The following FANCI variants were observed in gnomAD, a reference collection of about 807,000 sequenced individuals.
FANCI encodes Fanconi anemia group I protein.
Under a neutral mutation model 176.1 loss-of-function variants are expected in FANCI, and 156 were observed. The observed-to-expected ratio is 0.89, with a 90% CI of 0.78 to 1.01. FANCI has a LOEUF of 1.01. Ranked by LOEUF, FANCI falls within the 50% of genes least tolerant of loss-of-function variation. FANCI has a pLI of 0.00. For missense variants in FANCI, 1,678 were observed against 1,534.1 expected (o/e 1.09, Z -1.57); for synonymous variants, 613 against 541.7 (o/e 1.13, Z -1.83).
At chr15:89,314,750 C>T in intron 36 of FANCI, 43 bp downstream of exon 36, 1 of 1,412,644 alleles carries the variant, frequency 7.1e-7, no homozygotes, top group Non-Finnish European at 1.0e-6. Flanking sequence ...CATTTACCTT[C>T]TTGACAGATC....
chr15:89,260,667 C>T, intron 3 of FANCI, 46 bp from the exon 4 acceptor site: 1 of 1,608,692 alleles, frequency 6.2e-7, no homozygotes, highest in East Asian at 2.2e-5. Flanking sequence ...ATTTACCTGT[C>T]AATGTTGTAA....
At chr15:89,311,489 ACAGGGTTGAT>A (rs1015469582) in intron 34 of FANCI, among the ~76,000 whole-genome samples, 104 of 152,288 alleles carry the variant, frequency 6.8e-4, no homozygotes, top group African/African-American at 2.4e-3. Flanking sequence ...TGGGCAGGGA[ACAGGGTTGAT>A]CTAAGGAGTT....
intron 9 of FANCI, 157 bp downstream of exon 9, chr15:89,264,764 A>T (rs780453213): frequency 3.3e-5 from 20 of 608,270 alleles, no homozygotes; most frequent in Non-Finnish European, 5.9e-5. Context: ...AAAGAGAATA[A>T]CATGATCTCT....
chr15:89,250,164 T>A lies in FANCI; in HGVS notation c.84+2433T>A, dbSNP rs189944560. ...TTTCTCAGGGATCTAGAACTAGAAA[T>A]ACCATTTGACCCAGTGATCCCATTA... is the stretch of plus-strand genomic sequence containing the variant. On this transcript the variant is annotated intron_variant, in intron 2 of 37. Coordinates refer to ENST00000310775, the MANE Select transcript of FANCI (RefSeq NM_001113378.2). Among the ~76,000 whole-genome samples, 637 of 152,308 alleles carry A rather than the reference T, an allele frequency of 4.2e-3. 3 individuals carry two copies. Among genetic ancestry groups the A allele is most frequent in the African/African-American group, 0.015 (610 of 41,566 alleles).
chr15:89,316,829 T>G lies in FANCI; in HGVS notation c.*370T>G. ...TCTGGTAAATATCCAGCGCTTCACC[T>G]GAAAGATAGTGCAAATTGGTTAGGA... On this transcript the variant is annotated 3_prime_UTR_variant, in exon 38 of 38. Transcript: ENST00000310775. The G allele has an allele frequency of 6.2e-7, 1 of 1,611,264 alleles. No individual in the cohort carries two copies. The highest frequency in any genetic ancestry group is 1.1e-5 in the South Asian group (1 of 91,056).
At chr15:89,295,419 A>G (rs1392375837) in intron 24 of FANCI, among the ~76,000 whole-genome samples, 1 of 151,116 alleles carries the variant, frequency 6.6e-6, no homozygotes, top group Middle Eastern at 3.2e-3. Flanking sequence ...TAATCCCAGC[A>G]CTTTGGGAGG....
Position 89,292,947 on chromosome 15 carries a change from A to G in FANCI, c.2175A>G (p.Lys725=), listed in dbSNP as rs557549932. Residue 725 remains lysine (K), a synonymous_variant, in exon 22 of 38, where the codon AAA becomes AAG. Transcript: ENST00000310775. ...KSELEDFELD[K]SADFSQSTSI... Reference sequence around the variant, plus strand: ...TTTTATCTTGTGTCTTTTAGGATAAATCAGCAGATTTTTCTCAGAGCACCA... The same window carrying G: ...TTTTATCTTGTGTCTTTTAGGATAAGTCAGCAGATTTTTCTCAGAGCACCA... 1.2e-6 allele frequency: 2 copies of G among 1,614,130 alleles called. No homozygotes were observed. The highest frequency in any genetic ancestry group is 2.2e-5 in the South Asian group (2 of 91,080).
At chr15:89,247,348 C>A (rs1196797273) in intron 1 of FANCI, among the ~76,000 whole-genome samples, 1 of 152,052 alleles carries the variant, frequency 6.6e-6, no homozygotes, top group Non-Finnish European at 1.5e-5. Context: ...TAGATGGTAA[C>A]AAGTGTGGGC....
At chr15:89,266,682 C>T (rs2052976995) in intron 9 of FANCI, among the ~76,000 whole-genome samples, 1 of 151,204 alleles carries the variant, frequency 6.6e-6, no homozygotes, top group Non-Finnish European at 1.5e-5. Flanking sequence ...CTGTGTTGCC[C>T]AGGCTGGTCT....
chr15:89,314,185 C>T (rs1567180221), intron 35 of FANCI, among the ~76,000 whole-genome samples: 1 of 148,128 alleles, frequency 6.8e-6, no homozygotes, highest in African/African-American at 2.6e-5. Context: ...GAAAGACACA[C>T]ACACACACAC....
intron 14 of FANCI, among the ~76,000 whole-genome samples, chr15:89,280,206 G>C (rs531099525): frequency 3.8e-4 from 58 of 152,214 alleles, no homozygotes; most frequent in Non-Finnish European, 7.4e-5. Flanking sequence ...ATTTTTAGTA[G>C]GGATGGTGTT....
At chr15:89,284,990 A>G (rs2053759798) in intron 17 of FANCI, 106 bp from the exon 18 acceptor site, 1 of 1,352,198 alleles carries the variant, frequency 7.4e-7, no homozygotes, top group African/African-American at 1.4e-5. Context: ...GGGGTTTGGC[A>G]TGTGGAGGAA....
chr15:89,305,308 G>C, intron 29 of FANCI, 33 bp from the exon 30 acceptor site: 1 of 1,614,116 alleles, frequency 6.2e-7, no homozygotes, highest in African/African-American at 1.3e-5. Context: ...CAACCTTACT[G>C]TCATTAGGTC....
intron 1 of FANCI, among the ~76,000 whole-genome samples, chr15:89,246,880 C>G (rs909687322): frequency 3.4e-4 from 51 of 150,736 alleles, no homozygotes; most frequent in African/African-American, 1.2e-3. Flanking sequence ...ATTCTCCTGC[C>G]TCAGCCTCCC....
At chr15:89,298,500 A>G (rs1307123622) in intron 24 of FANCI, among the ~76,000 whole-genome samples, 1 of 152,242 alleles carries the variant, frequency 6.6e-6, no homozygotes, top group East Asian at 1.9e-4. Context: ...AGGAAATTAA[A>G]GCAGTTAGTG....
chr15:89,281,966 A>G, intron 16 of FANCI, 131 bp downstream of exon 16: 1 of 850,054 alleles, frequency 1.2e-6, no homozygotes, highest in Non-Finnish European at 2.0e-6. Flanking sequence ...GAGCAATTTC[A>G]TCAAATAAGG....
At chr15:89,259,549 T>G (rs917402522) in intron 3 of FANCI, among the ~76,000 whole-genome samples, 8 of 152,212 alleles carry the variant, frequency 5.3e-5, no homozygotes, top group Admixed American at 2.0e-4. Flanking sequence ...ATTCTATGGC[T>G]TTTAGTATAT....
chr15:89,274,384 C>T (rs1335412023), intron 12 of FANCI, 80 bp downstream of exon 12: 1 of 1,507,630 alleles, frequency 6.6e-7, no homozygotes, highest in Non-Finnish European at 9.1e-7. Flanking sequence ...TACTTGCAGC[C>T]TGTGAGGGGA....
In FANCI at chr15:89,315,310, G is replaced by GCACCTCACGAGACTT; in HGVS notation, c.3848_3862dup (p.Thr1283_Phe1287dup). On this transcript the variant is annotated inframe_insertion, in exon 37 of 38. Coordinates refer to ENST00000310775, the MANE Select transcript of FANCI (RefSeq NM_001113378.2). ...AACCTGATGCAGCACATGAAGCTCA[G>GCACCTCACGAGACTT]CACCTCACGAGACTTCAAGATCAAA... 6.2e-7 allele frequency: 1 copy of GCACCTCACGAGACTT among 1,613,972 alleles called. No individual in the cohort carries two copies.
Sources: gnomAD v4.1 joint callset for allele counts (sites outside exome capture counted in the v4.1 genomes callset) on GRCh38, gnomAD v4.1.1 for gene constraint, MANE v1.5 for transcripts, NCBI Gene and HGNC (gene_info 2026-07-23, HGNC 2026-07-21) for gene names.